PTPRC: variants seen among roughly 807,000 people sequenced by gnomAD.
PTPRC encodes the protein protein tyrosine phosphatase receptor type C, also known as receptor-type tyrosine-protein phosphatase C.
Under a neutral mutation model 155.9 loss-of-function variants are expected in PTPRC, and 44 were observed. The ratio of observed to expected loss-of-function variants is 0.28; its 90% CI spans 0.22 to 0.36. The LOEUF (loss-of-function observed/expected upper bound fraction) is 0.36, where lower values mean the gene tolerates loss of function less well. Among genes scored for constraint, PTPRC ranks in the 10% least tolerant of loss-of-function variants. The pLI is 1.00. For synonymous variants in PTPRC, 525 were observed against 533.1 expected (o/e 0.98, Z 0.21); for missense variants, 1,401 against 1,564.6 (o/e 0.90, Z 1.76).
intron 2 of PTPRC, chr1:198,667,105 A>T (rs1664358864): frequency 6.6e-6 from 1 of 152,182 alleles, no homozygotes; most frequent in Non-Finnish European, 1.5e-5. Flanking sequence ...CTTTCATCAC[A>T]TTCCAGCAAA....
chr1:198,729,231 T>G (rs1344655425), intron 17 of PTPRC, 60 bp downstream of exon 17: 2 of 1,424,496 alleles, frequency 1.4e-6, no homozygotes, highest in Non-Finnish European at 1.9e-6. Flanking sequence ...TCCATTCATT[T>G]TATTTATTTA....
chr1:198,676,589 G>A (rs985930516), intron 2 of PTPRC, among the ~76,000 whole-genome samples: 1 of 152,108 alleles, frequency 6.6e-6, no homozygotes, highest in South Asian at 2.1e-4. Flanking sequence ...CTTGCATAGA[G>A]ATAGAATCAC....
At chr1:198,707,281 T>C (rs1653034224) in intron 9 of PTPRC, among the ~76,000 whole-genome samples, 1 of 152,236 alleles carries the variant, frequency 6.6e-6, no homozygotes, top group South Asian at 2.1e-4. Context: ...TAATTATATA[T>C]GTACATATAT....
intron 25 of PTPRC, among the ~76,000 whole-genome samples, chr1:198,743,028 T>G (rs1654976305): frequency 6.9e-6 from 1 of 144,086 alleles, no homozygotes; most frequent in African/African-American, 2.6e-5. Context: ...CTAGAAACAT[T>G]TGCAAGAATG....
At chr1:198,662,473 TGTGTGA>T (rs71150935) in intron 2 of PTPRC, among the ~76,000 whole-genome samples, 52,117 of 148,626 alleles carry the variant, frequency 0.35, 9,337 homozygotes, top group East Asian at 0.66. Flanking sequence ...TGTGTGTGTG[TGTGTGA>T]GAGTGTGTGT....
At chr1:198,650,577 G>A (rs1312111489) in intron 2 of PTPRC, among the ~76,000 whole-genome samples, 1 of 151,798 alleles carries the variant, frequency 6.6e-6, no homozygotes, top group Non-Finnish European at 1.5e-5. Flanking sequence ...AGTTATGTTT[G>A]GGCTGTTATT....
chr1:198,646,872 G>A (rs899927632), intron 2 of PTPRC, among the ~76,000 whole-genome samples: 4 of 151,858 alleles, frequency 2.6e-5, no homozygotes, highest in Non-Finnish European at 5.9e-5. Flanking sequence ...ATGTAAAATA[G>A]TGTGTGGGGA....
chr1:198,756,330 A>AAAT lies in PTPRC; in HGVS notation c.*151_*153dup. 1.9e-6 allele frequency: 2 copies of AAAT among 1,054,618 alleles called. No individual in the cohort carries two copies. Among genetic ancestry groups the AAAT allele is most frequent in the Non-Finnish European group, 2.7e-6 (2 of 732,826 alleles). 65.3% of individuals were successfully genotyped at this position (1,054,618 alleles called of 1,614,324 possible). A position where few individuals can be genotyped will look rare whatever the true frequency, so the allele number is the denominator to read the frequency against. On this transcript the variant is annotated 3_prime_UTR_variant, in exon 33 of 33. Coordinates refer to ENST00000442510, the MANE Select transcript of PTPRC (RefSeq NM_002838.5). The stretch of plus-strand genomic sequence containing the variant: ...AGGGTTATATTTTACTACTGTGGAA[A>AAAT]AATATTTAAGATAGTTTTGCCAGAA...
rs369827350 is a variant in PTPRC at position 198,696,715 on chromosome 1, T to C, written c.104T>C (p.Leu35Ser). 6.2e-7 allele frequency: 1 copy of C among 1,612,928 alleles called. No individual in the cohort carries two copies. Among genetic ancestry groups the C allele is most frequent in the Non-Finnish European group, 8.5e-7 (1 of 1,179,072 alleles). Residue 35 changes from leucine to serine, a missense_variant, in exon 4 of 33, where the codon TTG becomes TCG. By Grantham distance (145) the Leu-to-Ser change is moderately radical. Around this residue, in one of 3 missense-constraint regions of PTPRC, gnomAD observed 867 missense variants for 970.4 expected, o/e 0.89. Transcript: ENST00000442510. ...CCCATTTTCCATTAATTAACAGGAT[T>C]GACTACAGCAAAGATGCCCAGTGTT... ...GQSPTPSPTG[L>S]TTAKMPSVPL...
chr1:198,661,464 T>G (rs1186038274), intron 2 of PTPRC, among the ~76,000 whole-genome samples: 1 of 151,798 alleles, frequency 6.6e-6, no homozygotes, highest in Non-Finnish European at 1.5e-5. Context: ...GAATAATAGA[T>G]AGCTGGATTC....
chr1:198,659,258 T>A (rs1663795158), intron 2 of PTPRC, among the ~76,000 whole-genome samples: 1 of 152,206 alleles, frequency 6.6e-6, no homozygotes, highest in Admixed American at 6.5e-5. Context: ...ACTAGACACA[T>A]ACTATTTTAT....
intron 2 of PTPRC, among the ~76,000 whole-genome samples, chr1:198,658,601 CTAAT>C (rs1663738461): frequency 6.6e-6 from 1 of 152,062 alleles, no homozygotes; most frequent in Admixed American, 6.6e-5. Flanking sequence ...CTTTTACAGA[CTAAT>C]TAACAAGTTT....
chr1:198,751,273 T>A (rs1269647059), intron 29 of PTPRC, among the ~76,000 whole-genome samples: 2 of 152,066 alleles, frequency 1.3e-5, no homozygotes, highest in African/African-American at 4.8e-5. Context: ...ATAATTTGAT[T>A]TTTTTACTTA....
chr1:198,682,690 A>G (rs563214853), intron 2 of PTPRC, among the ~76,000 whole-genome samples: 13 of 151,518 alleles, frequency 8.6e-5, no homozygotes, highest in African/African-American at 3.2e-4. Context: ...CAGACATAAT[A>G]TAATCATAAC....
intron 23 of PTPRC, among the ~76,000 whole-genome samples, chr1:198,741,275 C>A (rs1020740426): frequency 1.3e-5 from 2 of 151,818 alleles, no homozygotes; most frequent in East Asian, 3.9e-4. Flanking sequence ...TAGAACAAAC[C>A]TGAGCTCTAA....
intron 28 of PTPRC, 132 bp downstream of exon 28, chr1:198,749,681 G>C (rs535658458): frequency 1.2e-6 from 1 of 833,166 alleles, no homozygotes; most frequent in African/African-American, 1.7e-5. Flanking sequence ...ATTGACATGA[G>C]AGTTTCAATT....
intron 23 of PTPRC, among the ~76,000 whole-genome samples, chr1:198,739,619 T>C (rs1654806602): frequency 6.6e-6 from 1 of 151,764 alleles, no homozygotes; most frequent in Non-Finnish European, 1.5e-5. Flanking sequence ...TAGACTCCAA[T>C]ACAATAATAG....
At chr1:198,750,659 T>C in intron 29 of PTPRC, 33 bp downstream of exon 29, 1 of 1,608,386 alleles carries the variant, frequency 6.2e-7, no homozygotes, top group Non-Finnish European at 8.5e-7. Flanking sequence ...TTTTAAGCCT[T>C]TCTGTCATAA....
At chr1:198,731,186 T>C (rs1654370720) in intron 17 of PTPRC, among the ~76,000 whole-genome samples, 1 of 152,064 alleles carries the variant, frequency 6.6e-6, no homozygotes, top group African/African-American at 2.4e-5. Context: ...GGTATAAGGG[T>C]ATTAATCATA....
Sources: allele counts gnomAD v4.1 joint callset (sites outside exome capture counted in the v4.1 genomes callset), GRCh38; gene constraint gnomAD v4.1.1; regional missense constraint gnomAD v4.1.1; transcripts MANE v1.5; gene names NCBI Gene and HGNC (gene_info 2026-07-23, HGNC 2026-07-21).